The following PIK3CG variants were observed in gnomAD, a reference collection of about 807,000 sequenced individuals.
PIK3CG encodes the protein phosphatidylinositol 4,5-bisphosphate 3-kinase catalytic subunit gamma isoform.
Under a neutral mutation model 102.3 loss-of-function variants are expected in PIK3CG, and 55 were observed. The ratio of observed to expected loss-of-function variants is 0.54; its 90% CI spans 0.43 to 0.67. The LOEUF (loss-of-function observed/expected upper bound fraction) is 0.67. Among genes scored for constraint, PIK3CG ranks in the 30% least tolerant of loss-of-function variants. The probability of loss-of-function intolerance (pLI) is 0.00; values close to 1 mark genes in which losing one functional copy is unlikely to be tolerated. For missense variants in PIK3CG, 1,258 were observed against 1,391.8 expected (o/e 0.90, Z 1.53); for synonymous variants, 552 against 540.0 (o/e 1.02, Z -0.31).
Position 106,874,251 on chromosome 7 carries a change from C to G in PIK3CG, c.2288-449C>G, listed in dbSNP as rs1039313848. ...CATCTTCTCTACTTCTCTACAGAAC[C>G]TAACTTCCTCTTCTGAAAAGAAATT... On this transcript the variant is annotated intron_variant, in intron 4 of 10. Coordinates refer to ENST00000496166, the MANE Select transcript of PIK3CG (RefSeq NM_001282426.2). This position sits in a 1 kb window ranked among gnomAD's most constrained non-coding sequence, Gnocchi z 4.3. Among the ~76,000 whole-genome samples, 4 of 152,170 alleles carry G rather than the reference C, an allele frequency of 2.6e-5. No individual in the cohort carries two copies. Among genetic ancestry groups the G allele is most frequent in the African/African-American group, 9.7e-5 (4 of 41,426 alleles).
rs1377142702 is a variant in PIK3CG, at chr7:106,891,821, G to C, written c.3030+5529G>C. Among the ~76,000 whole-genome samples, 2 of 151,782 alleles carry C rather than the reference G, an allele frequency of 1.3e-5. No homozygotes were observed. Among genetic ancestry groups the C allele is most frequent in the Non-Finnish European group, 2.9e-5 (2 of 67,968 alleles). Reference sequence around the variant, plus strand: ...CTAGGATGACTGTGGAAATTTTCTTGCCAGTTTTATCAGGCCCACCCTGTT... The same window carrying C: ...CTAGGATGACTGTGGAAATTTTCTTCCCAGTTTTATCAGGCCCACCCTGTT... On this transcript the variant is annotated intron_variant, in intron 10 of 10. Transcript: ENST00000496166. The surrounding 1 kb of genome is among the most constrained non-coding windows in gnomAD (Gnocchi z 4.4).
rs923677255 is a variant in PIK3CG at position 106,890,196 on chromosome 7, G to A, written c.3030+3904G>A. The stretch of plus-strand genomic sequence containing the variant: ...TTTATTGTTCTCGTTGTTTTGTTTT[G>A]TTTGAGACGGAGTCTCTCTCTGTTG... On this transcript the variant is annotated intron_variant, in intron 10 of 10. Transcript: ENST00000496166. This position sits in a 1 kb window ranked among gnomAD's most constrained non-coding sequence, Gnocchi z 4.2. Among the ~76,000 whole-genome samples the A allele has an allele frequency of 3.9e-5, 6 of 152,096 alleles. No individual in the cohort carries two copies.
intron 10 of PIK3CG, among the ~76,000 whole-genome samples, chr7:106,898,933 A>T (rs1031204227): frequency 1.3e-5 from 2 of 152,006 alleles, no homozygotes. Flanking sequence ...ATTTGATAGA[A>T]ATAGCATTGA....
Position 106,906,251 on chromosome 7 carries a change from A to G in PIK3CG, c.*864A>G, listed in dbSNP as rs1294362713. The stretch of plus-strand genomic sequence containing the variant: ...TCTTTACAGACTTGTGAAATCTTCA[A>G]GAACACCTTTACTCTATAACTCAAA... On this transcript the variant is annotated 3_prime_UTR_variant, in exon 11 of 11. Coordinates refer to ENST00000496166, the MANE Select transcript of PIK3CG (RefSeq NM_001282426.2). 1 of 229,298 alleles carries G rather than the reference A, an allele frequency of 4.4e-6. No homozygotes were observed. Among genetic ancestry groups the G allele is most frequent in the Non-Finnish European group, 8.6e-6 (1 of 115,942 alleles). 14.2% of individuals were successfully genotyped at this position (229,298 alleles called of 1,614,324 possible). A position where few individuals can be genotyped will look rare whatever the true frequency, so the allele number is the denominator to read the frequency against.
Position 106,884,364 on chromosome 7 carries a change from C to T in PIK3CG, c.2872+98C>T, listed in dbSNP as rs1441634180. ...TCTAATTAACTGTAAGTGTTCAGTT[C>T]AGTGGCATTACATATGTTCACCTTG... On this transcript the variant is annotated intron_variant, in intron 9 of 10. Coordinates refer to ENST00000496166, the MANE Select transcript of PIK3CG (RefSeq NM_001282426.2). This position sits in a 1 kb window ranked among gnomAD's most constrained non-coding sequence, Gnocchi z 4.2. 9 of 772,692 alleles carry T rather than the reference C, an allele frequency of 1.2e-5. No homozygotes were observed. The Admixed American group carries it at 2.0e-4, about 17-fold the overall frequency. The allele number at this position is 772,692 out of a possible 1,614,324, so 47.9% of individuals were successfully genotyped here. A position where few individuals can be genotyped will look rare whatever the true frequency, so the allele number is the denominator to read the frequency against.
At position 106,894,132 on chromosome 7, in the gene PIK3CG, T is replaced by A. The variant is rs1791339617; in HGVS notation, c.3030+7840T>A. Among the ~76,000 whole-genome samples the A allele has an allele frequency of 6.6e-6, 1 of 152,202 alleles. No individual in the cohort carries two copies. The highest frequency in any genetic ancestry group is 6.5e-5 in the Admixed American group (1 of 15,276). ...AAATTAGCCTCCTTCCCCAACCCAT[T>A]GTGGATTGTTTCCTTTCCTTTTTTC... is the stretch of plus-strand genomic sequence containing the variant. On this transcript the variant is annotated intron_variant, in intron 10 of 10. Transcript: ENST00000496166. This position sits in a 1 kb window ranked among gnomAD's most constrained non-coding sequence, Gnocchi z 4.4.
Position 106,872,594 on chromosome 7 carries a change from G to A in PIK3CG, c.2053G>A (p.Gly685Ser), listed in dbSNP as rs1485807487. ...CCTTGCCAGATTTCTGCTGAAGCGTGGTTTAAGAGTAAGTACTTCCATTTT... is the reference window on the plus strand; with the variant it reads ...CCTTGCCAGATTTCTGCTGAAGCGTAGTTTAAGAGTAAGTACTTCCATTTT... ...SALARFLLKRGLRNKRIGHFL... is the reference protein window; with the variant it reads ...SALARFLLKRSLRNKRIGHFL... The change falls in exon 3 of 11, where the codon GGT (glycine) becomes AGT (serine). Residue 685 changes from glycine (G) to serine (S), a missense_variant. By Grantham distance (56) the Gly-to-Ser change is moderately conservative. Transcript: ENST00000496166. The surrounding 1 kb of genome is among the most constrained non-coding windows in gnomAD (Gnocchi z 5.3). 3 of 1,613,468 alleles carry A rather than the reference G, an allele frequency of 1.9e-6. No individual in the cohort carries two copies. Among genetic ancestry groups the A allele is most frequent in the Non-Finnish European group, 1.7e-6 (2 of 1,179,522 alleles).
At position 106,879,398 on chromosome 7, in the gene PIK3CG, A is replaced by G; in HGVS notation, c.2392-121A>G. On this transcript the variant is annotated intron_variant, in intron 5 of 10. Coordinates refer to ENST00000496166, the MANE Select transcript of PIK3CG (RefSeq NM_001282426.2). The surrounding 1 kb of genome is among the most constrained non-coding windows in gnomAD (Gnocchi z 4.9). Reference sequence around the variant, plus strand: ...TATTTTTACCCAAATATTGAAAATCATTCTCCAACTAGGACTTTGTCCTTG... The same window carrying G: ...TATTTTTACCCAAATATTGAAAATCGTTCTCCAACTAGGACTTTGTCCTTG... 1.2e-6 allele frequency: 1 copy of G among 842,628 alleles called. No individual in the cohort carries two copies. 52.2% of individuals were successfully genotyped at this position (842,628 alleles called of 1,614,324 possible).
chr7:106,866,897 A>G (rs987755585), intron 1 of PIK3CG, among the ~76,000 whole-genome samples: 3 of 152,216 alleles, frequency 2.0e-5, no homozygotes, highest in Non-Finnish European at 4.4e-5. Context: ...AGTAGATCCT[A>G]GGTCCAGGCA....
Position 106,874,735 on chromosome 7 carries a change from C to G in PIK3CG, c.2323C>G (p.Gln775Glu), listed in dbSNP as rs1460654215. The change falls in exon 5 of 11, where the codon CAG (glutamine) becomes GAG (glutamate). Residue 775 changes from glutamine (Q) to glutamate (E), a missense_variant. Coordinates refer to ENST00000496166, the MANE Select transcript of PIK3CG (RefSeq NM_001282426.2). The surrounding 1 kb of genome is among the most constrained non-coding windows in gnomAD (Gnocchi z 4.3). ...SQLKQKLENL[Q>E]NSQLPESFRV... ...ACTTAAACAAAAGCTTGAAAACCTG[C>G]AGAATTCTCAACTCCCCGAAAGCTT... 2.5e-6 allele frequency: 4 copies of G among 1,613,840 alleles called. No individual in the cohort carries two copies. The South Asian group carries it at 4.4e-5, about 18-fold the overall frequency.
intron 6 of PIK3CG, among the ~76,000 whole-genome samples, chr7:106,881,030 T>C (rs1790916027): frequency 6.6e-6 from 1 of 152,050 alleles, no homozygotes; most frequent in Admixed American, 6.6e-5. Context: ...AAAAAAAACC[T>C]CTCTGCCCTT....
rs1441981944 is a variant in PIK3CG at position 106,884,810 on chromosome 7, A to G, written c.2872+544A>G. 6.6e-6 allele frequency among the ~76,000 whole-genome samples: 1 copy of G among 152,058 alleles called. No homozygotes were observed. Among genetic ancestry groups the G allele is most frequent in the Non-Finnish European group, 1.5e-5 (1 of 68,022 alleles). On this transcript the variant is annotated intron_variant, in intron 9 of 10. Coordinates refer to ENST00000496166, the MANE Select transcript of PIK3CG (RefSeq NM_001282426.2). This position sits in a 1 kb window ranked among gnomAD's most constrained non-coding sequence, Gnocchi z 4.2. ...TTGATATGTAAGGAATTGATTTATT[A>G]TGGTCTCTGTGCAGTGAAACCTCTC...
At position 106,893,827 on chromosome 7, in the gene PIK3CG, A is replaced by T. The variant is rs771518238; in HGVS notation, c.3030+7535A>T. Among the ~76,000 whole-genome samples, 3 of 152,338 alleles carry T rather than the reference A, an allele frequency of 2.0e-5. No individual in the cohort carries two copies. Among genetic ancestry groups the T allele is most frequent in the East Asian group, 3.9e-4 (2 of 5,190 alleles). On this transcript the variant is annotated intron_variant, in intron 10 of 10. Coordinates refer to ENST00000496166, the MANE Select transcript of PIK3CG (RefSeq NM_001282426.2). This position sits in a 1 kb window ranked among gnomAD's most constrained non-coding sequence, Gnocchi z 4.4. ...ATTGTGTAAACATCAGAGTGAACTT[A>T]CACAAACCTAGGTGGTAGTCTTCCA...
rs1791480574 is a variant in PIK3CG, at chr7:106,899,096, T to TGG, written c.3031-6013_3031-6012insGG. Among the ~76,000 whole-genome samples the TGG allele has an allele frequency of 2.6e-5, 4 of 152,276 alleles. No homozygotes were observed. In the South Asian group the frequency reaches 8.3e-4, roughly 32 times the overall value. ...GATCTTTCACCTCCCTGGTTGGCTA[T>TGG]ATCCCTAGGTATTTTATTCTTTTTG... On this transcript the variant is annotated intron_variant, in intron 10 of 10. Coordinates refer to ENST00000496166, the MANE Select transcript of PIK3CG (RefSeq NM_001282426.2). This position sits in a 1 kb window ranked among gnomAD's most constrained non-coding sequence, Gnocchi z 4.6.
chr7:106,866,395 T>C (rs563158079), intron 1 of PIK3CG, among the ~76,000 whole-genome samples: 1 of 152,366 alleles, frequency 6.6e-6, no homozygotes, highest in Admixed American at 6.5e-5. Context: ...ATGTCCTATT[T>C]ATACATAAGT....
At chr7:106,904,084 C>T (rs558577645) in intron 10 of PIK3CG, among the ~76,000 whole-genome samples, 1 of 152,120 alleles carries the variant, frequency 6.6e-6, no homozygotes, top group South Asian at 2.1e-4. Context: ...TCATACTTCA[C>T]TTCTTTTTCT....
chr7:106,884,058 A>C lies in PIK3CG; in HGVS notation c.2761-97A>C. On this transcript the variant is annotated intron_variant, in intron 8 of 10. Transcript: ENST00000496166. This position sits in a 1 kb window ranked among gnomAD's most constrained non-coding sequence, Gnocchi z 4.2. ...GGCACAACTAACTTGCTCTCTGAAA[A>C]TGGTTTCCAGAATATTCTCTTTTTA... The C allele has an allele frequency of 1.1e-6, 1 of 931,876 alleles. No homozygotes were observed. Among genetic ancestry groups the C allele is most frequent in the Non-Finnish European group, 1.7e-6 (1 of 591,232 alleles). The allele number at this position is 931,876 out of a possible 1,614,324, so 57.7% of individuals were successfully genotyped here. A position where few individuals can be genotyped will look rare whatever the true frequency, so the allele number is the denominator to read the frequency against.
intron 2 of PIK3CG, among the ~76,000 whole-genome samples, chr7:106,871,277 T>G (rs1005440455): frequency 6.6e-6 from 1 of 152,240 alleles, no homozygotes; most frequent in Admixed American, 6.5e-5. Context: ...CACATCTGGC[T>G]TAGAAACTTA....
In PIK3CG at chr7:106,868,682, C is replaced by G. The variant is rs2116446949; in HGVS notation, c.1121C>G (p.Pro374Arg). ...AGAGGCATTGATATCCCCGTCCTGC[C>G]TCGGAACACCGACCTCACAGTTTTT... The part of the protein sequence containing the change: ...KIRGIDIPVL[P>R]RNTDLTVFVE... The change falls in exon 2 of 11, where the codon CCT becomes CGT. Residue 374 changes from proline to arginine, a missense_variant. Around this residue, in one of 2 missense-constraint regions of PIK3CG, gnomAD observed 832 missense variants for 787.5 expected, o/e 1.06. Transcript: ENST00000496166. This position sits in a 1 kb window ranked among gnomAD's most constrained non-coding sequence, Gnocchi z 6.2. The G allele has an allele frequency of 6.2e-7, 1 of 1,614,224 alleles. No individual in the cohort carries two copies. Among genetic ancestry groups the G allele is most frequent in the Non-Finnish European group, 8.5e-7 (1 of 1,180,040 alleles).
Sources: gnomAD v4.1 joint callset for allele counts (sites outside exome capture counted in the v4.1 genomes callset) on GRCh38, gnomAD v4.1.1 for gene constraint, gnomAD v4.1.1 regional missense constraint, Gnocchi (gnomAD v3.1) non-coding constraint, MANE v1.5 for transcripts, NCBI Gene and HGNC (gene_info 2026-07-23, HGNC 2026-07-21) for gene names.